MCU: variants seen among roughly 807,000 people sequenced by gnomAD.
MCU encodes calcium uniporter protein, mitochondrial.
In MCU, 12 loss-of-function variants were observed where a neutral mutation model predicts 45.2. The ratio of observed to expected loss-of-function variants is 0.27; its 90% CI spans 0.17 to 0.43. The LOEUF (loss-of-function observed/expected upper bound fraction) is 0.43. Ranked by LOEUF, MCU falls within the 20% of genes least tolerant of loss-of-function variation. The pLI is 1.00. For missense variants in MCU, 324 were observed against 436.7 expected (o/e 0.74, Z 2.30); for synonymous variants, 160 against 165.1 (o/e 0.97, Z 0.24).
chr10:72,739,425 T>C (rs1843295377), intron 1 of MCU, among the ~76,000 whole-genome samples: 1 of 152,226 alleles, frequency 6.6e-6, no homozygotes, highest in East Asian at 1.9e-4. Context: ...TCAGACTATA[T>C]ATGTGCTTTT....
At chr10:72,812,552 G>A (rs544896524) in intron 1 of MCU, among the ~76,000 whole-genome samples, 1 of 152,300 alleles carries the variant, frequency 6.6e-6, no homozygotes, top group African/African-American at 2.4e-5. Flanking sequence ...TCTATGCAGA[G>A]ATTTAGTGGT....
intron 1 of MCU, among the ~76,000 whole-genome samples, chr10:72,732,317 T>C (rs1403261897): frequency 1.3e-5 from 2 of 152,252 alleles, no homozygotes; most frequent in African/African-American, 2.4e-5. Flanking sequence ...TTTTAGTTCA[T>C]TATGAATCTG....
rs1160353409 is a variant in MCU at position 72,714,345 on chromosome 10, CTTT to C, written c.150+22065_150+22067del. Among the ~76,000 whole-genome samples the C allele has an allele frequency of 1.0e-3, 55 of 54,750 alleles. 2 individuals are homozygous for C. Among genetic ancestry groups the C allele is most frequent in the Non-Finnish European group, 1.9e-3 (48 of 25,184 alleles). The allele number at this position is 54,750 out of a possible 152,430, so 35.9% of individuals were successfully genotyped here. ...TTACTTCAGTTCCCCCCGCCCTGGT[CTTT>C]TTTTTTTTTTTTTTTTTTTTAAAGA... On this transcript the variant is annotated intron_variant, in intron 1 of 7. Transcript: ENST00000373053.
intron 1 of MCU, among the ~76,000 whole-genome samples, chr10:72,748,110 C>T (rs1342975534): frequency 6.6e-6 from 1 of 150,938 alleles, no homozygotes; most frequent in Non-Finnish European, 1.5e-5. Context: ...TGCAATGGCA[C>T]GATCTCAGCT....
intron 1 of MCU, among the ~76,000 whole-genome samples, chr10:72,731,769 G>A (rs762354924): frequency 2.0e-5 from 3 of 152,092 alleles, no homozygotes; most frequent in Admixed American, 6.5e-5. Flanking sequence ...GGGTTCATTC[G>A]TGTTGTAGGA....
At chr10:72,844,080 T>C (rs1421377276) in intron 2 of MCU, among the ~76,000 whole-genome samples, 1 of 152,036 alleles carries the variant, frequency 6.6e-6, no homozygotes, top group Admixed American at 6.6e-5. Flanking sequence ...GGTAAAACCA[T>C]CTCTACTAAA....
chr10:72,730,108 C>G (rs1843151959), intron 1 of MCU, among the ~76,000 whole-genome samples: 2 of 150,594 alleles, frequency 1.3e-5, no homozygotes, highest in Non-Finnish European at 1.5e-5. Flanking sequence ...TACAGGTGTT[C>G]ACCACCACAC....
chr10:72,766,886 T>TG (rs903598208), intron 1 of MCU: 5 of 152,204 alleles, frequency 3.3e-5, no homozygotes, highest in Non-Finnish European at 7.4e-5. Flanking sequence ...ATTGTTCTTG[T>TG]GGGGAGAACT....
chr10:72,724,236 A>C (rs1433296590), intron 1 of MCU, among the ~76,000 whole-genome samples: 1 of 152,228 alleles, frequency 6.6e-6, no homozygotes, highest in Non-Finnish European at 1.5e-5. Context: ...AGGTATCAGA[A>C]TTACTCTCTG....
At chr10:72,819,727 C>CTTTT (rs71021538) in intron 1 of MCU, among the ~76,000 whole-genome samples, 106 of 102,570 alleles carry the variant, frequency 1.0e-3, no homozygotes, top group Non-Finnish European at 1.5e-3. Context: ...TTTTTCCAGT[C>CTTTT]TTTTTTTTTT....
At chr10:72,847,664 G>A (rs146951561) in intron 2 of MCU, among the ~76,000 whole-genome samples, 3,750 of 152,206 alleles carry the variant, frequency 0.025, 62 homozygotes, top group Non-Finnish European at 0.039. Flanking sequence ...ATACTGTACA[G>A]CAAATTACAA....
At chr10:72,828,670 A>G (rs950673015) in intron 1 of MCU, among the ~76,000 whole-genome samples, 4 of 152,194 alleles carry the variant, frequency 2.6e-5, no homozygotes, top group Non-Finnish European at 5.9e-5. Context: ...ATAATTTATG[A>G]TCATAGTAAG....
rs145091575 is a variant in MCU at position 72,814,553 on chromosome 10, C to T, written c.151-19806C>T. ...CTCTTCCTTTCTTTTTTGAAACTCACTAAAAAAAAGACAGGAAAATAGAAA... is the reference window on the plus strand; with the variant it reads ...CTCTTCCTTTCTTTTTTGAAACTCATTAAAAAAAAGACAGGAAAATAGAAA... On this transcript the variant is annotated intron_variant, in intron 1 of 7. Coordinates refer to ENST00000373053, the MANE Select transcript of MCU (RefSeq NM_138357.3). Among the ~76,000 whole-genome samples, 775 of 151,792 alleles carry T rather than the reference C, an allele frequency of 5.1e-3. 8 individuals carry two copies. The highest frequency in any genetic ancestry group is 6.9e-3 in the Middle Eastern group (2 of 290).
At chr10:72,868,078 T>A (rs1230027566) in intron 4 of MCU, among the ~76,000 whole-genome samples, 1 of 152,104 alleles carries the variant, frequency 6.6e-6, no homozygotes, top group Non-Finnish European at 1.5e-5. Context: ...TTGCTTTAAT[T>A]TTGTCTTTAT....
intron 1 of MCU, among the ~76,000 whole-genome samples, chr10:72,816,749 G>A (rs1012607157): frequency 3.9e-5 from 6 of 152,184 alleles, no homozygotes; most frequent in Admixed American, 1.3e-4. Flanking sequence ...CACAGGAGAC[G>A]TTATCTCAGA....
At chr10:72,751,291 C>T (rs1006524419) in intron 1 of MCU, among the ~76,000 whole-genome samples, 7 of 150,378 alleles carry the variant, frequency 4.7e-5, no homozygotes, top group Non-Finnish European at 8.9e-5. Context: ...GTATGAGCCA[C>T]CGCACCCAGC....
chr10:72,746,690 A>G (rs1227016974), intron 1 of MCU, among the ~76,000 whole-genome samples: 1 of 152,236 alleles, frequency 6.6e-6, no homozygotes. Context: ...TGTAATGTTT[A>G]GCAGCCATCT....
intron 1 of MCU, among the ~76,000 whole-genome samples, chr10:72,706,452 C>A (rs1842820733): frequency 6.6e-6 from 1 of 151,628 alleles, no homozygotes; most frequent in Non-Finnish European, 1.5e-5. Context: ...AACACACATT[C>A]TTTGGTTTTC....
At chr10:72,777,956 G>A (rs913302727) in intron 1 of MCU, among the ~76,000 whole-genome samples, 52 of 152,260 alleles carry the variant, frequency 3.4e-4, no homozygotes, top group African/African-American at 1.1e-3. Context: ...ATAGAGAAAT[G>A]CAAATCAAAA....
Sources: allele counts gnomAD v4.1 joint callset (sites outside exome capture counted in the v4.1 genomes callset), GRCh38; gene constraint gnomAD v4.1.1; transcripts MANE v1.5; gene names NCBI Gene and HGNC (gene_info 2026-07-23, HGNC 2026-07-21).